Variants in AP3B1 observed in about 807,000 individuals in gnomAD.
AP3B1 encodes the protein AP-3 complex subunit beta-1.
A neutral mutation model predicts 132.5 loss-of-function variants in AP3B1; 61 were observed. That is an observed-to-expected ratio of 0.46 (90% CI 0.37 to 0.57). The LOEUF (loss-of-function observed/expected upper bound fraction) is 0.57, where lower values mean the gene tolerates loss of function less well. Ranked by LOEUF, AP3B1 falls within the 20% of genes least tolerant of loss-of-function variation. The pLI is 0.00. For synonymous variants in AP3B1, 388 were observed against 438.3 expected, an observed-to-expected ratio of 0.89 and a Z score of 1.43; for missense variants, 1,120 against 1,289.4, an observed-to-expected ratio of 0.87 and a Z score of 2.01.
At chr5:78,137,544 G>T (rs1752971374) in intron 15 of AP3B1, among the ~76,000 whole-genome samples, 1 of 152,102 alleles carries the variant, frequency 6.6e-6, no homozygotes, top group South Asian at 2.1e-4. Context: ...ACTGCAAACT[G>T]TCCTCAGGAT....
intron 2 of AP3B1, among the ~76,000 whole-genome samples, chr5:78,244,136 G>A (rs564961063): frequency 6.6e-6 from 1 of 152,344 alleles, no homozygotes; most frequent in African/African-American, 2.4e-5. Context: ...ACTACTGCCT[G>A]TAATCCCGGC....
chr5:78,157,339 C>T (rs770301939), intron 13 of AP3B1, among the ~76,000 whole-genome samples: 2 of 152,048 alleles, frequency 1.3e-5, no homozygotes, highest in Non-Finnish European at 1.5e-5. Context: ...AGTTTACAAA[C>T]AGTTCATTCA....
At position 78,113,739 on chromosome 5, in the gene AP3B1, C is replaced by A; in HGVS notation, c.2249+13G>T. 1 of 1,613,170 alleles carries A rather than the reference C, an allele frequency of 6.2e-7. No homozygotes were observed. Among genetic ancestry groups the A allele is most frequent in the Non-Finnish European group, 8.5e-7 (1 of 1,179,982 alleles). On this transcript the variant is annotated intron_variant, in intron 19 of 26. Transcript: ENST00000255194. ...GAATATTTTTTGAAGGAAATTCTGA[C>A]AAAATAAGTTACCTTTTTCCTTTGG...
intron 7 of AP3B1, among the ~76,000 whole-genome samples, chr5:78,191,015 T>C (rs983315253): frequency 6.6e-6 from 1 of 152,168 alleles, no homozygotes; most frequent in Admixed American, 6.6e-5. Flanking sequence ...GGGGAACTCA[T>C]TACACTGAAA....
chr5:78,176,528 T>C (rs1744154570), intron 9 of AP3B1, among the ~76,000 whole-genome samples: 2 of 152,190 alleles, frequency 1.3e-5, no homozygotes, highest in Non-Finnish European at 2.9e-5. Flanking sequence ...CCAACGCAAT[T>C]AGTGGAAACA....
intron 22 of AP3B1, among the ~76,000 whole-genome samples, chr5:78,075,542 C>T (rs1749733018): frequency 1.3e-5 from 2 of 152,290 alleles, no homozygotes; most frequent in Non-Finnish European, 2.9e-5. Flanking sequence ...TGCCAATTTT[C>T]GACAATAGCA....
intron 26 of AP3B1, among the ~76,000 whole-genome samples, chr5:78,009,187 G>A (rs1416376223): frequency 2.0e-5 from 3 of 151,976 alleles, no homozygotes; most frequent in Non-Finnish European, 4.4e-5. Context: ...AGGCACAGTG[G>A]CGCATGCTTG....
chr5:78,015,590 T>C, intron 25 of AP3B1, 42 bp from the exon 26 acceptor site: 1 of 1,606,410 alleles, frequency 6.2e-7, no homozygotes, highest in Admixed American at 1.7e-5. Context: ...AATTTCTTTT[T>C]GAAAATTACA....
chr5:78,061,038 C>A (rs1001989869), intron 22 of AP3B1, among the ~76,000 whole-genome samples: 1 of 151,898 alleles, frequency 6.6e-6, no homozygotes, highest in African/African-American at 2.4e-5. Context: ...TTGGTTGATA[C>A]CTTTGAAAAA....
intron 1 of AP3B1, among the ~76,000 whole-genome samples, chr5:78,283,693 A>G (rs901001874): frequency 1.3e-5 from 2 of 152,184 alleles, no homozygotes; most frequent in African/African-American, 4.8e-5. Flanking sequence ...AATTCAGCAG[A>G]TCCAAAACGG....
intron 7 of AP3B1, among the ~76,000 whole-genome samples, chr5:78,197,297 A>G (rs1480447257): frequency 2.0e-5 from 3 of 152,162 alleles, no homozygotes; most frequent in African/African-American, 7.2e-5. Flanking sequence ...AAAAAAAATC[A>G]GAATAAAATA....
At chr5:78,011,923 G>C (rs532202859) in intron 26 of AP3B1, among the ~76,000 whole-genome samples, 3 of 152,048 alleles carry the variant, frequency 2.0e-5, no homozygotes, top group African/African-American at 7.2e-5. Flanking sequence ...AAATTAAATA[G>C]AACATAAGCC....
intron 22 of AP3B1, among the ~76,000 whole-genome samples, chr5:78,051,997 T>C (rs1310353791): frequency 6.6e-6 from 1 of 151,388 alleles, no homozygotes; most frequent in East Asian, 1.9e-4. Context: ...AGCATTAACC[T>C]AGTATTGACC....
chr5:78,211,128 A>C (rs545804589), intron 7 of AP3B1, among the ~76,000 whole-genome samples: 1 of 152,296 alleles, frequency 6.6e-6, no homozygotes, highest in African/African-American at 2.4e-5. Context: ...TATTTATAAA[A>C]TGTCGTGCCC....
At chr5:78,294,390 C>A in intron 1 of AP3B1, 62 bp downstream of exon 1, 1 of 1,611,142 alleles carries the variant, frequency 6.2e-7, no homozygotes, top group Non-Finnish European at 8.5e-7. Context: ...CACCCTGGCG[C>A]CCACTCCTCC....
chr5:78,056,281 TTC>T (rs1341789457), intron 22 of AP3B1, among the ~76,000 whole-genome samples: 1 of 152,216 alleles, frequency 6.6e-6, no homozygotes, highest in Admixed American at 6.5e-5. Context: ...ACCTCAGAGC[TTC>T]TGTTTTCCTC....
chr5:78,002,685 A>G lies in AP3B1; in HGVS notation c.*217T>C. 4.8e-6 allele frequency: 3 copies of G among 625,326 alleles called. No homozygotes were observed. Among genetic ancestry groups the G allele is most frequent in the South Asian group, 1.9e-5 (1 of 51,644 alleles). The allele number at this position is 625,326 out of a possible 1,614,324, so 38.7% of individuals were successfully genotyped here. On this transcript the variant is annotated 3_prime_UTR_variant, in exon 27 of 27. Coordinates refer to ENST00000255194, the MANE Select transcript of AP3B1 (RefSeq NM_003664.5). ...TTCAAGAGTTGAGACAACTGACAGT[A>G]AAATATATGCTCTTTGGTTAGCAAA... is the stretch of plus-strand genomic sequence containing the variant.
intron 19 of AP3B1, among the ~76,000 whole-genome samples, chr5:78,111,306 T>C (rs1751579919): frequency 6.6e-6 from 1 of 152,136 alleles, no homozygotes; most frequent in African/African-American, 2.4e-5. Flanking sequence ...CATTCATTTG[T>C]TCACCTGCTC....
At chr5:78,050,782 C>T (rs186076333) in intron 22 of AP3B1, among the ~76,000 whole-genome samples, 2 of 152,076 alleles carry the variant, frequency 1.3e-5, no homozygotes, top group African/African-American at 2.4e-5. Context: ...AATTGTTTAA[C>T]GACTAACATT....
Sources: gnomAD v4.1 joint callset for allele counts (sites outside exome capture counted in the v4.1 genomes callset) on GRCh38, gnomAD v4.1.1 for gene constraint, MANE v1.5 for transcripts, NCBI Gene and HGNC (gene_info 2026-07-23, HGNC 2026-07-21) for gene names.